Variants in RPRD1A observed in about 807,000 individuals in gnomAD.
RPRD1A encodes the protein regulation of nuclear pre-mRNA domain-containing protein 1A.
RPRD1A carries 9 observed loss-of-function variants against 37.8 expected under a neutral mutation model. The observed-to-expected ratio is 0.24, with a 90% CI of 0.14 to 0.42. The LOEUF is 0.42. Among genes scored for constraint, RPRD1A ranks in the 10% least tolerant of loss-of-function variants. The pLI is 1.00. For missense variants in RPRD1A, 255 were observed against 371.0 expected (o/e 0.69, Z 2.57); for synonymous variants, 138 against 139.7 (o/e 0.99, Z 0.08).
intron 4 of RPRD1A, chr18:36,028,154 T>A (rs1006093794): frequency 6.6e-6 from 1 of 152,054 alleles, no homozygotes; most frequent in African/African-American, 2.4e-5. Context: ...AATACTAGAT[T>A]CAGAAACACT....
chr18:36,012,071 T>C (rs764845162), intron 6 of RPRD1A, among the ~76,000 whole-genome samples: 7 of 152,166 alleles, frequency 4.6e-5, no homozygotes, highest in Non-Finnish European at 8.8e-5. Context: ...AATGTGACTG[T>C]ATAGAAACAA....
At chr18:36,049,203 C>A (rs1568146237) in intron 1 of RPRD1A, among the ~76,000 whole-genome samples, 1 of 152,136 alleles carries the variant, frequency 6.6e-6, no homozygotes, top group African/African-American at 2.4e-5. Context: ...ACCATGCCCT[C>A]CCATGGATTA....
chr18:36,050,735 G>C (rs1376941083), intron 1 of RPRD1A, among the ~76,000 whole-genome samples: 3 of 149,024 alleles, frequency 2.0e-5, no homozygotes, highest in Non-Finnish European at 4.4e-5. Flanking sequence ...TGTAGAGACA[G>C]GGTTTCACCA....
intron 1 of RPRD1A, among the ~76,000 whole-genome samples, chr18:36,049,319 A>G (rs1473654603): frequency 3.3e-5 from 5 of 152,174 alleles, no homozygotes; most frequent in Non-Finnish European, 5.9e-5. Flanking sequence ...GGAGAAACTA[A>G]TTTCTTTTTT....
At chr18:36,059,595 A>G (rs2144414098) in intron 1 of RPRD1A, among the ~76,000 whole-genome samples, 1 of 152,300 alleles carries the variant, frequency 6.6e-6, no homozygotes, top group East Asian at 1.9e-4. Flanking sequence ...AGAATCTTCA[A>G]TTTTTAAGAG....
chr18:35,997,785 T>C (rs1328957075), intron 6 of RPRD1A, among the ~76,000 whole-genome samples: 1 of 152,230 alleles, frequency 6.6e-6, no homozygotes, highest in African/African-American at 2.4e-5. Flanking sequence ...AGTATGTATG[T>C]GTACCCATCC....
At chr18:36,022,898 G>A (rs1911100772) in intron 6 of RPRD1A, among the ~76,000 whole-genome samples, 1 of 152,170 alleles carries the variant, frequency 6.6e-6, no homozygotes, top group African/African-American at 2.4e-5. Flanking sequence ...TGAGTTCGAG[G>A]TTACAGTGAG....
intron 6 of RPRD1A, among the ~76,000 whole-genome samples, chr18:36,013,489 T>A (rs758277702): frequency 1.3e-5 from 2 of 151,906 alleles, no homozygotes; most frequent in Non-Finnish European, 2.9e-5. Flanking sequence ...ACATCAAATA[T>A]CAAGCAAAAT....
intron 1 of RPRD1A, among the ~76,000 whole-genome samples, chr18:36,063,776 G>C (rs2088961829): frequency 6.6e-6 from 1 of 152,144 alleles, no homozygotes; most frequent in South Asian, 2.1e-4. Flanking sequence ...AGGACACAAA[G>C]GCTACACCCT....
chr18:36,026,548 C>A, intron 6 of RPRD1A: 1 of 181,028 alleles, frequency 5.5e-6, no homozygotes. Context: ...CTTCTCAAAA[C>A]AGAAACTAAA....
At chr18:36,020,692 T>C (rs1910938284) in intron 6 of RPRD1A, among the ~76,000 whole-genome samples, 1 of 152,088 alleles carries the variant, frequency 6.6e-6, no homozygotes. Flanking sequence ...TGGCCAGGCA[T>C]TGTGAGGTAC....
At chr18:36,001,820 T>C (rs1347682495) in intron 6 of RPRD1A, among the ~76,000 whole-genome samples, 3 of 152,238 alleles carry the variant, frequency 2.0e-5, no homozygotes, top group African/African-American at 7.2e-5. Context: ...CTCGTCCTTG[T>C]TATTCGACCT....
At chr18:36,066,310 A>C (rs972406360) in intron 1 of RPRD1A, among the ~76,000 whole-genome samples, 5 of 152,246 alleles carry the variant, frequency 3.3e-5, no homozygotes, top group African/African-American at 9.6e-5. Flanking sequence ...TATAGCTTTC[A>C]CAAGGTTCAG....
intron 1 of RPRD1A, among the ~76,000 whole-genome samples, chr18:36,047,937 A>G (rs1426182447): frequency 6.6e-6 from 1 of 152,212 alleles, no homozygotes; most frequent in Non-Finnish European, 1.5e-5. Context: ...CTTCTACAAG[A>G]GGGAACACAT....
chr18:36,062,559 C>T (rs1335511912), intron 1 of RPRD1A, among the ~76,000 whole-genome samples: 1 of 151,868 alleles, frequency 6.6e-6, no homozygotes, highest in Admixed American at 6.6e-5. Context: ...TGATGAATGG[C>T]TAAATTCATA....
chr18:36,031,491 C>T (rs1312321986), intron 2 of RPRD1A, among the ~76,000 whole-genome samples: 1 of 152,120 alleles, frequency 6.6e-6, no homozygotes, highest in African/African-American at 2.4e-5. Flanking sequence ...GATGCAAATG[C>T]AGCTTATGGC....
chr18:36,062,256 G>A (rs2088927254), intron 1 of RPRD1A, among the ~76,000 whole-genome samples: 1 of 147,182 alleles, frequency 6.8e-6, no homozygotes, highest in South Asian at 2.2e-4. Context: ...AGCGGAGCTT[G>A]CAGTGAGCCG....
chr18:36,026,984 A>T lies in RPRD1A; in HGVS notation c.705T>A (p.Asp235Glu). 6.2e-7 allele frequency: 1 copy of T among 1,614,018 alleles called. No homozygotes were observed. The highest frequency in any genetic ancestry group is 8.5e-7 in the Non-Finnish European group (1 of 1,179,898). The change falls in exon 6 of 7, where the codon GAT becomes GAA. Residue 235 changes from aspartate (D) to glutamate (E), a missense_variant. Around this residue, in one of 2 missense-constraint regions of RPRD1A, gnomAD observed 211 missense variants for 268.9 expected, o/e 0.78. Transcript: ENST00000399022. The part of the protein sequence containing the change: ...DYNGRLAAEI[D>E]DRKQLTRMLA... ...ACATTCGAGTGAGTTGCTTTCTATC[A>T]TCTATTTCTGCCGCCAATCTGCCAT...
intron 1 of RPRD1A, among the ~76,000 whole-genome samples, chr18:36,062,102 G>C (rs984911143): frequency 6.6e-6 from 1 of 151,688 alleles, no homozygotes; most frequent in African/African-American, 2.4e-5. Context: ...TGGATCATGA[G>C]GTCAGGAGAT....
Sources: gnomAD v4.1 joint callset for allele counts (sites outside exome capture counted in the v4.1 genomes callset) on GRCh38, gnomAD v4.1.1 for gene constraint, gnomAD v4.1.1 regional missense constraint, MANE v1.5 for transcripts, NCBI Gene and HGNC (gene_info 2026-07-23, HGNC 2026-07-21) for gene names.